The following P4HA1 variants were observed in gnomAD, a reference collection of about 807,000 sequenced individuals.
P4HA1 encodes the protein prolyl 4-hydroxylase subunit alpha 1.
In P4HA1, 24 loss-of-function variants were observed where a neutral mutation model predicts 72.8. That is an observed-to-expected ratio of 0.33 (90% confidence interval 0.24 to 0.46). P4HA1 has a LOEUF of 0.46. Ranked by LOEUF, P4HA1 falls within the 20% of genes least tolerant of loss-of-function variation. The pLI is 1.00. For synonymous variants in P4HA1, 201 were observed against 218.8 expected (o/e 0.92, Z 0.72); for missense variants, 446 against 640.6 (o/e 0.70, Z 3.28).
intron 10 of P4HA1, among the ~76,000 whole-genome samples, chr10:73,027,643 G>A (rs1840312535): frequency 9.6e-6 from 1 of 104,362 alleles, no homozygotes; most frequent in Non-Finnish European, 1.9e-5. Flanking sequence ...GTCAGGGAGG[G>A]GGAGGGGGGA....
intron 14 of P4HA1, among the ~76,000 whole-genome samples, chr10:73,009,350 T>C (rs1443358042): frequency 1.3e-5 from 2 of 152,362 alleles, no homozygotes; most frequent in African/African-American, 4.8e-5. Flanking sequence ...CATTAGGTGC[T>C]ACTCGAGCCT....
chr10:73,056,065 A>G (rs1339808578), intron 5 of P4HA1, among the ~76,000 whole-genome samples: 1 of 152,238 alleles, frequency 6.6e-6, no homozygotes, highest in Non-Finnish European at 1.5e-5. Context: ...CAGCAATAAG[A>G]GAAAAGAAGA....
chr10:73,019,712 G>C (rs1840089169), intron 10 of P4HA1, among the ~76,000 whole-genome samples: 1 of 102,016 alleles, frequency 9.8e-6, no homozygotes, highest in Admixed American at 1.6e-4. Context: ...CGTGGCGACA[G>C]AGCGAGACTC....
intron 9 of P4HA1, among the ~76,000 whole-genome samples, chr10:73,032,241 T>TAC (rs1185841074): frequency 6.6e-6 from 1 of 152,212 alleles, no homozygotes; most frequent in East Asian, 1.9e-4. Flanking sequence ...TCCCTCCAGT[T>TAC]ACCAATCTTT....
intron 5 of P4HA1, 113 bp from the exon 6 acceptor site, chr10:73,053,703 C>T: frequency 1.1e-6 from 1 of 891,662 alleles, no homozygotes; most frequent in African/African-American, 1.7e-5. Flanking sequence ...TCACAATAAT[C>T]CTCTGGATGA....
chr10:73,069,660 A>G (rs1017226101), intron 4 of P4HA1, among the ~76,000 whole-genome samples: 1 of 152,194 alleles, frequency 6.6e-6, no homozygotes, highest in Non-Finnish European at 1.5e-5. Flanking sequence ...CCAATTACTG[A>G]TAACTATATA....
chr10:73,038,401 CAAA>C (rs1840650174), intron 9 of P4HA1, among the ~76,000 whole-genome samples: 1 of 151,958 alleles, frequency 6.6e-6, no homozygotes, highest in Non-Finnish European at 1.5e-5. Context: ...CCACCAGAAT[CAAA>C]AAAGCTTTTC....
chr10:73,068,654 A>C (rs1295017513), intron 5 of P4HA1, among the ~76,000 whole-genome samples, 192 bp downstream of exon 5: 1 of 152,198 alleles, frequency 6.6e-6, no homozygotes, highest in Non-Finnish European at 1.5e-5. Flanking sequence ...AACAAGCTAG[A>C]AGCTAGAAGC....
chr10:73,096,152 G>A (rs193284705), intron 1 of P4HA1, among the ~76,000 whole-genome samples: 1 of 152,224 alleles, frequency 6.6e-6, no homozygotes, highest in African/African-American at 2.4e-5. Flanking sequence ...CAGAAAGCTC[G>A]GCGCCCCGGG....
intron 9 of P4HA1, chr10:73,044,090 A>T: frequency 3.9e-6 from 2 of 513,922 alleles, no homozygotes; most frequent in Non-Finnish European, 7.0e-6. Flanking sequence ...AATGGTCTCG[A>T]ATCCACAAAA....
At chr10:73,054,997 G>A (rs777373422) in intron 5 of P4HA1, among the ~76,000 whole-genome samples, 33 of 152,154 alleles carry the variant, frequency 2.2e-4, no homozygotes, top group Non-Finnish European at 3.5e-4. Flanking sequence ...GGCCAAGGAA[G>A]GAGAACTGCT....
In P4HA1 at chr10:73,016,857, C is replaced by A; in HGVS notation, c.1291G>T (p.Asp431Tyr). The change falls in exon 11 of 15, where the codon GAC becomes TAC. Residue 431 changes from aspartate (D) to tyrosine (Y), a missense_variant. Asp to Tyr is a radical substitution (Grantham distance 160, BLOSUM62 -3). Transcript: ENST00000394890. ...TCTTTTTCACTTACCCGTGCAAAGT[C>A]AAAATGGGGTTCATACTGTCCTCCA... ...GVGGQYEPHF[D>Y]FARKDEPDAF... 6.2e-7 allele frequency: 1 copy of A among 1,610,368 alleles called. No individual in the cohort carries two copies. The highest frequency in any genetic ancestry group is 1.1e-5 in the South Asian group (1 of 90,956).
intron 1 of P4HA1, among the ~76,000 whole-genome samples, chr10:73,094,617 A>G (rs1842121555): frequency 6.6e-6 from 1 of 152,234 alleles, no homozygotes; most frequent in Admixed American, 6.5e-5. Flanking sequence ...ACAGAAAGGA[A>G]GGCTCACAAG....
In P4HA1 at chr10:73,053,875, A is replaced by G. The variant is rs375058462; in HGVS notation, c.464-285T>C. 1.1e-3 allele frequency among the ~76,000 whole-genome samples: 164 copies of G among 152,220 alleles called. 4 individuals carry two copies. The South Asian group carries it at 0.032, about 30-fold the overall frequency. ...TGAAACATCCATTAAGTTGAAATAT[A>G]CTATTTCCTAACAGTAGGAATTACC... On this transcript the variant is annotated intron_variant, in intron 5 of 14. Transcript: ENST00000394890.
chr10:73,024,284 C>A (rs1465286176), intron 10 of P4HA1, among the ~76,000 whole-genome samples: 1 of 152,198 alleles, frequency 6.6e-6, no homozygotes, highest in East Asian at 1.9e-4. Context: ...GAAATCACAA[C>A]AAACTGTCTC....
At position 73,068,726 on chromosome 10, in the gene P4HA1, T is replaced by A. The variant is rs1031407148; in HGVS notation, c.463+120A>T. 2.4e-5 allele frequency: 19 copies of A among 802,688 alleles called. No homozygotes were observed. In the East Asian group the frequency reaches 4.8e-4, roughly 20 times the overall value. 49.7% of individuals were successfully genotyped at this position (802,688 alleles called of 1,614,324 possible). A position where few individuals can be genotyped will look rare whatever the true frequency, so the allele number is the denominator to read the frequency against. On this transcript the variant is annotated intron_variant, in intron 5 of 14. Transcript: ENST00000394890. ...GTGATTCTTTAGTCTTCGAAGGCTA[T>A]GAAACAAACTACAATTTAAAATCTT...
chr10:73,034,406 A>C (rs2133068371), intron 9 of P4HA1, among the ~76,000 whole-genome samples: 1 of 152,116 alleles, frequency 6.6e-6, no homozygotes, highest in East Asian at 1.9e-4. Context: ...TTTTCATCAA[A>C]ACCAAACAGA....
chr10:73,042,646 TC>T (rs1840764355), intron 9 of P4HA1, among the ~76,000 whole-genome samples: 1 of 150,202 alleles, frequency 6.7e-6, no homozygotes, highest in African/African-American at 2.5e-5. Context: ...ACATTTTACA[TC>T]TTTTTTTTTT....
intron 9 of P4HA1, among the ~76,000 whole-genome samples, chr10:73,038,368 G>A (rs150580915): frequency 1.1e-4 from 17 of 152,204 alleles, no homozygotes; most frequent in African/African-American, 3.9e-4. Flanking sequence ...TCACTTCAGA[G>A]TAAAAAAATG....
Sources: gnomAD v4.1 joint callset for allele counts (sites outside exome capture counted in the v4.1 genomes callset) on GRCh38, gnomAD v4.1.1 for gene constraint, MANE v1.5 for transcripts, NCBI Gene and HGNC (gene_info 2026-07-23, HGNC 2026-07-21) for gene names.